Variants in CCDC192 observed in about 807,000 individuals in gnomAD.
The protein encoded by CCDC192 is coiled-coil domain containing 192, also known as coiled-coil domain-containing protein 192.
chr5:127,776,534 A>T (rs1367480427), intron 3 of CCDC192, among the ~76,000 whole-genome samples: 1 of 152,214 alleles, frequency 6.6e-6, no homozygotes, highest in African/African-American at 2.4e-5. Context: ...AAGAAATTCA[A>T]TCAGGCTGTA....
At chr5:127,878,789 C>T (rs1297878323) in intron 6 of CCDC192, among the ~76,000 whole-genome samples, 1 of 150,112 alleles carries the variant, frequency 6.7e-6, no homozygotes, top group East Asian at 1.9e-4. Context: ...CTGTAAATTA[C>T]CTTGGGCAGT....
At chr5:127,764,900 C>T (rs2126896585) in intron 3 of CCDC192, among the ~76,000 whole-genome samples, 1 of 152,256 alleles carries the variant, frequency 6.6e-6, no homozygotes, top group East Asian at 1.9e-4. Context: ...TTCTATTTTT[C>T]AGTCCCTGGA....
intron 2 of CCDC192, among the ~76,000 whole-genome samples, chr5:127,724,142 CA>C (rs1243342005): frequency 6.6e-6 from 1 of 152,050 alleles, no homozygotes; most frequent in Non-Finnish European, 1.5e-5. Context: ...ACCATTTTTT[CA>C]ACTCATTTAA....
chr5:127,912,419 CAAA>C lies in CCDC192; in HGVS notation c.536-28744_536-28742del, dbSNP rs60854127. Among the ~76,000 whole-genome samples the C allele has an allele frequency of 2.9e-4, 24 of 81,442 alleles. 1 individual carries two copies. Among genetic ancestry groups the C allele is most frequent in the African/African-American group, 1.1e-3 (22 of 19,822 alleles). The allele number at this position is 81,442 out of a possible 152,430, so 53.4% of individuals were successfully genotyped here. On this transcript the variant is annotated intron_variant, in intron 6 of 6. Transcript: ENST00000514853. ...AGTGAGAATAGATTCCTGGGTTTAG[CAAA>C]AAAAAAAAAAAAAAAAAATGAAGCT...
chr5:127,847,853 A>ATAAATAAATAAG (rs1750630016), intron 5 of CCDC192, among the ~76,000 whole-genome samples: 1 of 149,140 alleles, frequency 6.7e-6, no homozygotes, highest in South Asian at 2.1e-4. Flanking sequence ...AAATAAATAA[A>ATAAATAAATAAG]TACATAAATA....
intron 3 of CCDC192, among the ~76,000 whole-genome samples, chr5:127,776,558 G>A (rs1436055766): frequency 4.6e-5 from 7 of 152,326 alleles, no homozygotes; most frequent in African/African-American, 1.7e-4. Context: ...ATTTGCATAA[G>A]TAATGAGGAG....
intron 6 of CCDC192, among the ~76,000 whole-genome samples, chr5:127,876,060 AG>A (rs1254872422): frequency 1.1e-4 from 11 of 104,626 alleles, no homozygotes; most frequent in Admixed American, 1.1e-4. Flanking sequence ...GGAAGAGAAC[AG>A]AATTTTTTTT....
At chr5:127,769,461 A>G (rs1006145824) in intron 3 of CCDC192, among the ~76,000 whole-genome samples, 1 of 151,924 alleles carries the variant, frequency 6.6e-6, no homozygotes, top group Admixed American at 6.6e-5. Context: ...GTGGTTGTAC[A>G]TTTGAAAACT....
chr5:127,921,329 C>T (rs940980994), intron 6 of CCDC192, among the ~76,000 whole-genome samples: 2 of 149,868 alleles, frequency 1.3e-5, no homozygotes, highest in Admixed American at 6.7e-5. Flanking sequence ...GTCATGATGA[C>T]ATTAGTATAC....
chr5:127,921,362 C>G (rs949548117), intron 6 of CCDC192, among the ~76,000 whole-genome samples: 1 of 152,084 alleles, frequency 6.6e-6, no homozygotes, highest in Non-Finnish European at 1.5e-5. Context: ...TCCAACCCAT[C>G]CACCTACTAA....
At chr5:127,800,390 A>C (rs1283922297) in intron 5 of CCDC192, among the ~76,000 whole-genome samples, 9 of 139,062 alleles carry the variant, frequency 6.5e-5, no homozygotes, top group Non-Finnish European at 1.1e-4. Context: ...AAAAAAAAAA[A>C]AAAAAAAAAA....
At chr5:127,898,952 T>C (rs1442054354) in intron 6 of CCDC192, among the ~76,000 whole-genome samples, 1 of 152,182 alleles carries the variant, frequency 6.6e-6, no homozygotes, top group African/African-American at 2.4e-5. Context: ...TTTTGCCTTT[T>C]CTGTGGCACC....
At chr5:127,861,647 C>T (rs1004382294) in intron 5 of CCDC192, among the ~76,000 whole-genome samples, 2 of 152,010 alleles carry the variant, frequency 1.3e-5, no homozygotes, top group Non-Finnish European at 2.9e-5. Context: ...AAGCGAGACT[C>T]CTTCTCAAAA....
At chr5:127,781,583 T>C (rs1756227143) in intron 3 of CCDC192, among the ~76,000 whole-genome samples, 1 of 151,986 alleles carries the variant, frequency 6.6e-6, no homozygotes, top group African/African-American at 2.4e-5. Context: ...TTCCTTTTTT[T>C]TTTTTTTTTG....
intron 2 of CCDC192, among the ~76,000 whole-genome samples, chr5:127,751,363 T>A (rs910348300): frequency 6.6e-6 from 1 of 152,002 alleles, no homozygotes; most frequent in African/African-American, 2.4e-5. Context: ...TTATTTCTCC[T>A]TCACTCATGA....
chr5:127,857,189 T>G (rs1751139233), intron 5 of CCDC192, among the ~76,000 whole-genome samples: 3 of 152,192 alleles, frequency 2.0e-5, no homozygotes, highest in African/African-American at 7.2e-5. Flanking sequence ...CCACCTCACA[T>G]GAACACTTTT....
chr5:127,809,981 C>T (rs1561501203), intron 5 of CCDC192, among the ~76,000 whole-genome samples: 1 of 152,180 alleles, frequency 6.6e-6, no homozygotes, highest in Non-Finnish European at 1.5e-5. Flanking sequence ...ATGAGCCTTA[C>T]ACTGGATTTT....
At chr5:127,811,493 A>G (rs1758080085) in intron 5 of CCDC192, among the ~76,000 whole-genome samples, 1 of 152,194 alleles carries the variant, frequency 6.6e-6, no homozygotes, top group Admixed American at 6.5e-5. Flanking sequence ...CTTAGATAGG[A>G]AGGCTTAAAC....
chr5:127,887,203 C>T (rs533460285), intron 6 of CCDC192, among the ~76,000 whole-genome samples: 1 of 151,742 alleles, frequency 6.6e-6, no homozygotes, highest in Non-Finnish European at 1.5e-5. Context: ...GTGGTGCATG[C>T]ATGTAATCCC....
Sources: gnomAD v4.1 joint callset for allele counts (sites outside exome capture counted in the v4.1 genomes callset) on GRCh38, gnomAD v4.1.1 for gene constraint, MANE v1.5 for transcripts, NCBI Gene and HGNC (gene_info 2026-07-23, HGNC 2026-07-21) for gene names.